NPAS2: variants seen among roughly 807,000 people sequenced by gnomAD.
NPAS2 encodes the protein neuronal PAS domain protein 2, also known as neuronal PAS domain-containing protein 2.
A neutral mutation model predicts 107.5 loss-of-function variants in NPAS2; 23 were observed. That is an observed-to-expected ratio of 0.21 (90% confidence interval 0.15 to 0.30). NPAS2 has a LOEUF of 0.30. Ranked by LOEUF, NPAS2 falls within the 10% of genes least tolerant of loss-of-function variation. NPAS2 has a pLI of 1.00. For missense variants in NPAS2, 756 were observed against 1,043.3 expected (o/e 0.72, Z 3.79); for synonymous variants, 403 against 417.5 (o/e 0.97, Z 0.42).
At chr2:100,991,848 C>G (rs1678154487) in intron 19 of NPAS2, among the ~76,000 whole-genome samples, 3 of 152,236 alleles carry the variant, frequency 2.0e-5, no homozygotes. Context: ...TGGAGGCCAG[C>G]TAACTCCAGG....
intron 7 of NPAS2, among the ~76,000 whole-genome samples, chr2:100,961,659 C>G (rs1329439020): frequency 6.6e-6 from 1 of 152,196 alleles, no homozygotes; most frequent in African/African-American, 2.4e-5. Context: ...GCAAAACATC[C>G]ACCTAATGTC....
At chr2:100,821,108 G>T in intron 1 of NPAS2, 1 of 1,304,632 alleles carries the variant, frequency 7.7e-7, no homozygotes, top group Non-Finnish European at 1.0e-6. Context: ...TGAAGAGCTG[G>T]GCAGGTCGGT....
intron 4 of NPAS2, among the ~76,000 whole-genome samples, chr2:100,936,315 G>A (rs748458918): frequency 2.0e-5 from 3 of 152,172 alleles, no homozygotes; most frequent in Non-Finnish European, 4.4e-5. Context: ...CAGACATCAC[G>A]TGACCATCTA....
intron 5 of NPAS2, among the ~76,000 whole-genome samples, chr2:100,943,421 G>A (rs573342045): frequency 5.3e-5 from 8 of 152,154 alleles, no homozygotes; most frequent in East Asian, 1.9e-4. Context: ...CTTTCTTTCC[G>A]CGATCTGGAC....
intron 1 of NPAS2, among the ~76,000 whole-genome samples, chr2:100,853,756 GC>G (rs1014487597): frequency 6.6e-6 from 1 of 152,154 alleles, no homozygotes; most frequent in Non-Finnish European, 1.5e-5. Context: ...GGCATCTGCA[GC>G]CAGGTGGAGC....
intron 4 of NPAS2, among the ~76,000 whole-genome samples, chr2:100,937,413 T>C (rs10209049): frequency 0.051 from 7,705 of 152,294 alleles, 209 homozygotes; most frequent in Non-Finnish European, 0.057. Context: ...GCTGATGTTT[T>C]CTAATGGCAA....
chr2:100,931,279 G>A (rs1000820755), intron 3 of NPAS2, among the ~76,000 whole-genome samples: 5 of 152,068 alleles, frequency 3.3e-5, no homozygotes, highest in Admixed American at 6.6e-5. Context: ...TTCTTCCAGT[G>A]TTCTATTACC....
At chr2:100,839,196 T>C (rs1356122922) in intron 1 of NPAS2, among the ~76,000 whole-genome samples, 1 of 152,208 alleles carries the variant, frequency 6.6e-6, no homozygotes, top group African/African-American at 2.4e-5. Context: ...TGGCACAATC[T>C]TGGCTCACTG....
Position 100,854,460 on chromosome 2 carries a change from A to T in NPAS2, c.-23+34046A>T, listed in dbSNP as rs138271475. 4.9e-3 allele frequency among the ~76,000 whole-genome samples: 745 copies of T among 152,306 alleles called. 8 individuals carry two copies. The highest frequency in any genetic ancestry group is 0.017 in the African/African-American group (718 of 41,562). On this transcript the variant is annotated intron_variant, in intron 1 of 20. Coordinates refer to ENST00000335681, the MANE Select transcript of NPAS2 (RefSeq NM_002518.4). ...TTTGCCTTTTCATGACCCCATCCTG[A>T]GACAGACTATGACTCTAGATCTCTA...
intron 1 of NPAS2, among the ~76,000 whole-genome samples, chr2:100,889,176 G>A (rs568676786): frequency 1.3e-5 from 2 of 152,332 alleles, no homozygotes; most frequent in East Asian, 3.9e-4. Context: ...CATTACCGGT[G>A]ATGGTAATGT....
In NPAS2 at chr2:100,858,823, C is replaced by T. The variant is rs184847955; in HGVS notation, c.-23+38409C>T. Reference sequence around the variant, plus strand: ...TGATCATGTTACACGTCAGTGTGCACGCCCCGTCCTGTTTATTTGGATTTA... The same window carrying T: ...TGATCATGTTACACGTCAGTGTGCATGCCCCGTCCTGTTTATTTGGATTTA... On this transcript the variant is annotated intron_variant, in intron 1 of 20. Coordinates refer to ENST00000335681, the MANE Select transcript of NPAS2 (RefSeq NM_002518.4). 5.1e-4 allele frequency among the ~76,000 whole-genome samples: 78 copies of T among 152,248 alleles called. 2 individuals carry two copies. The East Asian group carries it at 9.8e-3, about 19-fold the overall frequency.
intron 12 of NPAS2, among the ~76,000 whole-genome samples, chr2:100,971,364 G>A (rs1002543633): frequency 1.0e-4 from 15 of 150,198 alleles, no homozygotes; most frequent in African/African-American, 2.9e-4. Flanking sequence ...CTCAAAGCAC[G>A]GCTCGGCGAC....
At chr2:100,977,564 A>T (rs1159552406) in intron 14 of NPAS2, 146 bp from the exon 15 acceptor site, 2 of 678,606 alleles carry the variant, frequency 2.9e-6, no homozygotes, top group Admixed American at 2.3e-5. Flanking sequence ...GCAGCCAGGG[A>T]ACAGACACCT....
chr2:100,902,313 G>A (rs1202825159), intron 1 of NPAS2, among the ~76,000 whole-genome samples: 1 of 152,196 alleles, frequency 6.6e-6, no homozygotes, highest in Non-Finnish European at 1.5e-5. Flanking sequence ...AGCCGAGGTG[G>A]AAGTAGCCCA....
intron 1 of NPAS2, among the ~76,000 whole-genome samples, chr2:100,873,247 A>G (rs1472502767): frequency 1.2e-5 from 1 of 83,860 alleles, no homozygotes; most frequent in Admixed American, 1.5e-4. Context: ...GCGAGACTTC[A>G]TCTCAAAAAA....
intron 5 of NPAS2, among the ~76,000 whole-genome samples, chr2:100,942,784 T>C (rs1188565270): frequency 6.6e-6 from 1 of 152,204 alleles, no homozygotes; most frequent in Non-Finnish European, 1.5e-5. Context: ...TTGACTTCAC[T>C]GCTAAACTCT....
upstream of NPAS2, among the ~76,000 whole-genome samples, chr2:100,819,450 C>T (rs1435800124): frequency 6.6e-6 from 1 of 152,180 alleles, no homozygotes; most frequent in East Asian, 1.9e-4. This position sits in a 1 kb window ranked among gnomAD's most constrained non-coding sequence, Gnocchi z 5.8. Flanking sequence ...ACCGCTCGCC[C>T]GCATCTTCCC....
intron 2 of NPAS2, among the ~76,000 whole-genome samples, chr2:100,923,521 T>C (rs1226954596): frequency 3.3e-5 from 5 of 152,154 alleles, no homozygotes; most frequent in African/African-American, 1.2e-4. Context: ...TACTGTTACC[T>C]ATAGATACTT....
At chr2:100,916,022 A>C (rs72818924) in intron 2 of NPAS2, among the ~76,000 whole-genome samples, 1 of 152,328 alleles carries the variant, frequency 6.6e-6, no homozygotes, top group Non-Finnish European at 1.5e-5. Context: ...AAAATATTCT[A>C]AGTGGACTTT....
Sources: allele counts gnomAD v4.1 joint callset (sites outside exome capture counted in the v4.1 genomes callset), GRCh38; gene constraint gnomAD v4.1.1; non-coding constraint Gnocchi (gnomAD v3.1); transcripts MANE v1.5; gene names NCBI Gene and HGNC (gene_info 2026-07-23, HGNC 2026-07-21).